The following TAFA1 variants were observed in gnomAD, a reference collection of about 807,000 sequenced individuals.
TAFA1 encodes the protein chemokine-like protein TAFA-1.
TAFA1 carries 4 observed loss-of-function variants against 18.5 expected under a neutral mutation model. That is an observed-to-expected ratio of 0.22 (90% confidence interval 0.11 to 0.49). The LOEUF (loss-of-function observed/expected upper bound fraction) is 0.49, where lower values mean the gene tolerates loss of function less well. TAFA1 is among the 20% of genes least tolerant of loss of function. The pLI is 0.98. For missense variants in TAFA1, 147 were observed against 169.0 expected (o/e 0.87, Z 0.72); for synonymous variants, 56 against 55.2 (o/e 1.01, Z -0.06).
intron 2 of TAFA1, among the ~76,000 whole-genome samples, chr3:68,167,841 G>A (rs1166826344): frequency 6.6e-6 from 1 of 151,992 alleles, no homozygotes; most frequent in East Asian, 1.9e-4. Context: ...TTGCATCACT[G>A]TACTCCAGCC....
intron 3 of TAFA1, among the ~76,000 whole-genome samples, chr3:68,497,840 G>A (rs1304720776): frequency 6.6e-6 from 1 of 152,188 alleles, no homozygotes; most frequent in Non-Finnish European, 1.5e-5. Context: ...AGAAATAGCT[G>A]TAGCCCAGGT....
chr3:68,400,772 G>GA (rs2070471226), intron 2 of TAFA1, among the ~76,000 whole-genome samples: 1 of 152,130 alleles, frequency 6.6e-6, no homozygotes, highest in Admixed American at 6.6e-5. Flanking sequence ...CACTTGAGGG[G>GA]AAAATACACT....
intron 2 of TAFA1, among the ~76,000 whole-genome samples, chr3:68,052,753 T>C (rs2064486347): frequency 6.6e-6 from 1 of 152,224 alleles, no homozygotes; most frequent in Admixed American, 6.5e-5. Context: ...GACTCACTTA[T>C]GAATATTGTG....
chr3:68,448,388 T>C (rs1158727328), intron 3 of TAFA1, among the ~76,000 whole-genome samples: 3 of 152,222 alleles, frequency 2.0e-5, no homozygotes, highest in Non-Finnish European at 4.4e-5. Flanking sequence ...GATCCATCAG[T>C]GAGTCTAATA....
intron 2 of TAFA1, among the ~76,000 whole-genome samples, chr3:68,409,180 C>T (rs998479424): frequency 6.6e-6 from 1 of 152,136 alleles, no homozygotes; most frequent in Non-Finnish European, 1.5e-5. Flanking sequence ...ATTTTTGAAG[C>T]AATTCTCTCT....
At chr3:68,080,821 G>T (rs1267964751) in intron 2 of TAFA1, among the ~76,000 whole-genome samples, 1 of 152,124 alleles carries the variant, frequency 6.6e-6, no homozygotes, top group Non-Finnish European at 1.5e-5. Flanking sequence ...GAGTACCTTT[G>T]TGGTGTTCTC....
intron 2 of TAFA1, among the ~76,000 whole-genome samples, chr3:68,076,950 C>T (rs1160751139): frequency 6.6e-6 from 1 of 152,092 alleles, no homozygotes; most frequent in Non-Finnish European, 1.5e-5. Flanking sequence ...CCTATTTCTC[C>T]ACATCCTCTC....
intron 2 of TAFA1, among the ~76,000 whole-genome samples, chr3:68,124,259 T>C (rs1467105844): frequency 2.0e-5 from 3 of 152,246 alleles, no homozygotes; most frequent in Middle Eastern, 3.2e-3. Flanking sequence ...AAGCTTCTTC[T>C]ATTTTCTTTC....
At chr3:68,334,218 T>C (rs374848981) in intron 2 of TAFA1, among the ~76,000 whole-genome samples, 5 of 152,332 alleles carry the variant, frequency 3.3e-5, no homozygotes, top group South Asian at 2.1e-4. Context: ...GATTTTACTA[T>C]GCATTTATAC....
intron 2 of TAFA1, among the ~76,000 whole-genome samples, chr3:68,358,284 C>A (rs1474936334): frequency 1.3e-5 from 2 of 151,718 alleles, no homozygotes; most frequent in African/African-American, 4.8e-5. Context: ...TCCTGGAGAT[C>A]TTCATGTCAT....
chr3:68,116,731 A>G (rs2065329308), intron 2 of TAFA1, among the ~76,000 whole-genome samples: 1 of 152,210 alleles, frequency 6.6e-6, no homozygotes. Context: ...TCATGAAAAC[A>G]AGGACCTCTG....
intron 2 of TAFA1, among the ~76,000 whole-genome samples, chr3:68,063,991 A>G (rs2064640239): frequency 6.6e-6 from 1 of 152,214 alleles, no homozygotes; most frequent in Non-Finnish European, 1.5e-5. Flanking sequence ...TTCCAATGTG[A>G]GTTTCCTGTG....
At chr3:68,381,755 C>G (rs980759604) in intron 2 of TAFA1, among the ~76,000 whole-genome samples, 3 of 152,014 alleles carry the variant, frequency 2.0e-5, no homozygotes, top group Non-Finnish European at 2.9e-5. Flanking sequence ...AATTGAATAC[C>G]CTTTGTTTCC....
intron 2 of TAFA1, among the ~76,000 whole-genome samples, chr3:68,174,180 C>T (rs1008472618): frequency 2.0e-5 from 3 of 152,142 alleles, no homozygotes; most frequent in African/African-American, 7.2e-5. Flanking sequence ...CATTGGTTTG[C>T]ATGGAACTGA....
intron 2 of TAFA1, among the ~76,000 whole-genome samples, chr3:68,182,997 A>G (rs1445703980): frequency 1.3e-5 from 2 of 152,174 alleles, no homozygotes; most frequent in Non-Finnish European, 2.9e-5. Context: ...TCTTTATTTC[A>G]GTTGGTTCAA....
At chr3:68,045,244 C>T (rs1705243773) in intron 2 of TAFA1, among the ~76,000 whole-genome samples, 1 of 152,242 alleles carries the variant, frequency 6.6e-6, no homozygotes, top group East Asian at 1.9e-4. Flanking sequence ...TACAAGAGAC[C>T]TCTTAAGACC....
chr3:68,180,546 G>C (rs2066185717), intron 2 of TAFA1, among the ~76,000 whole-genome samples: 1 of 152,164 alleles, frequency 6.6e-6, no homozygotes, highest in Admixed American at 6.5e-5. Flanking sequence ...GGGATTTATG[G>C]TTTCTTTTGA....
chr3:68,228,364 A>G (rs2066829220), intron 2 of TAFA1, among the ~76,000 whole-genome samples: 1 of 152,122 alleles, frequency 6.6e-6, no homozygotes, highest in Non-Finnish European at 1.5e-5. Flanking sequence ...CTATCCTCCC[A>G]TCTCAGCTTC....
intron 3 of TAFA1, among the ~76,000 whole-genome samples, chr3:68,454,275 C>T (rs1409080047): frequency 2.0e-5 from 3 of 152,128 alleles, no homozygotes; most frequent in Admixed American, 2.0e-4. Context: ...TCCTTTCACC[C>T]CATCTATTCA....
Sources: gnomAD v4.1 joint callset for allele counts (sites outside exome capture counted in the v4.1 genomes callset) on GRCh38, gnomAD v4.1.1 for gene constraint, MANE v1.5 for transcripts, NCBI Gene and HGNC (gene_info 2026-07-23, HGNC 2026-07-21) for gene names.